DNAH10: variants seen among roughly 807,000 people sequenced by gnomAD.
DNAH10 encodes the protein axonemal beta dynein heavy chain 10.
DNAH10 carries 348 observed loss-of-function variants against 506.6 expected under a neutral mutation model. The ratio of observed to expected loss-of-function variants is 0.69; its 90% CI spans 0.63 to 0.75. The LOEUF (loss-of-function observed/expected upper bound fraction) is 0.75. Ranked by LOEUF, DNAH10 falls within the 30% of genes least tolerant of loss-of-function variation. DNAH10 has a pLI of 0.00. For missense variants in DNAH10, 5,179 were observed against 5,787.1 expected (o/e 0.89, Z 3.41); for synonymous variants, 2,059 against 2,198.6 (o/e 0.94, Z 1.78).
chr12:123,886,473 G>A (rs1029371613), intron 51 of DNAH10, among the ~76,000 whole-genome samples: 3 of 132,266 alleles, frequency 2.3e-5, no homozygotes, highest in African/African-American at 5.5e-5. Context: ...TGCGTTGCGC[G>A]CGCGCGCGTG....
At chr12:123,914,008 T>G (rs1384123638) in intron 60 of DNAH10, among the ~76,000 whole-genome samples, 2 of 152,182 alleles carry the variant, frequency 1.3e-5, no homozygotes, top group Non-Finnish European at 2.9e-5. Flanking sequence ...CCGGGCTGAT[T>G]TATATGTCTT....
Position 123,853,832 on chromosome 12 carries a change from A to G in DNAH10, c.6438+480A>G, listed in dbSNP as rs778869902. ...GTTGCACGCACACACGCACGCACAC[A>G]CACGCACACGCACGGACACACGCAC... On this transcript the variant is annotated intron_variant, in intron 36 of 78. Coordinates refer to ENST00000673944, the MANE Select transcript of DNAH10 (RefSeq NM_001372106.1). This position sits in a 1 kb window ranked among gnomAD's most constrained non-coding sequence, Gnocchi z 4.7. Among the ~76,000 whole-genome samples, 3 of 150,478 alleles carry G rather than the reference A, an allele frequency of 2.0e-5. No homozygotes were observed. The highest frequency in any genetic ancestry group is 1.3e-4 in the Admixed American group (2 of 14,978).
chr12:123,908,528 C>T, intron 57 of DNAH10: 1 of 456,138 alleles, frequency 2.2e-6, no homozygotes, highest in Non-Finnish European at 4.4e-6. Flanking sequence ...GTGGCTTTCA[C>T]TGACCTTGCC....
chr12:123,762,908 G>A lies in DNAH10; in HGVS notation c.214+358G>A, dbSNP rs1024028706. Among the ~76,000 whole-genome samples, 1 of 152,322 alleles carries A rather than the reference G, an allele frequency of 6.6e-6. No homozygotes were observed. Among genetic ancestry groups the A allele is most frequent in the African/African-American group, 2.4e-5 (1 of 41,578 alleles). On this transcript the variant is annotated intron_variant, in intron 1 of 78. Coordinates refer to ENST00000673944, the MANE Select transcript of DNAH10 (RefSeq NM_001372106.1). The surrounding 1 kb of genome is among the most constrained non-coding windows in gnomAD (Gnocchi z 5.0). ...TTACAGATGAGCAAACTGGCACGGA[G>A]GGGGTTAAGTAACCTGCCCAAGGCC...
chr12:123,847,837 C>T (rs563841026), intron 32 of DNAH10, 124 bp from the exon 33 acceptor site: 1 of 1,328,660 alleles, frequency 7.5e-7, no homozygotes, highest in South Asian at 1.5e-5. Context: ...CAAGTTGACA[C>T]ATGAAAGCAA....
At position 123,916,353 on chromosome 12, in the gene DNAH10, G is replaced by A; in HGVS notation, c.10723-104G>A. The A allele has an allele frequency of 6.9e-7, 1 of 1,453,304 alleles. No individual in the cohort carries two copies. Among genetic ancestry groups the A allele is most frequent in the Non-Finnish European group, 9.3e-7 (1 of 1,079,514 alleles). 90.0% of individuals were successfully genotyped at this position (1,453,304 alleles called of 1,614,324 possible). On this transcript the variant is annotated intron_variant, in intron 62 of 78. Coordinates refer to ENST00000673944, the MANE Select transcript of DNAH10 (RefSeq NM_001372106.1). This position sits in a 1 kb window ranked among gnomAD's most constrained non-coding sequence, Gnocchi z 4.6. The stretch of plus-strand genomic sequence containing the variant: ...TCTTTTCACCTCTGGCCCCCTCCAA[G>A]TTCCTGGCCCATCCACTTCCCACTT...
Position 123,846,006 on chromosome 12 carries a change from A to G in DNAH10, c.5666A>G (p.Gln1889Arg), listed in dbSNP as rs1244070822. 1.9e-6 allele frequency: 3 copies of G among 1,613,948 alleles called. No homozygotes were observed. Among genetic ancestry groups the G allele is most frequent in the East Asian group, 2.2e-5 (1 of 44,870 alleles). The change falls in exon 32 of 79, where the codon CAG becomes CGG. Residue 1889 changes from glutamine to arginine, a missense_variant. Physicochemically the swap from Gln to Arg is conservative, Grantham distance 43. This residue lies in a region of DNAH10 where 4,844 missense variants were observed against 5,430.5 expected (regional missense o/e 0.89). Coordinates refer to ENST00000673944, the MANE Select transcript of DNAH10 (RefSeq NM_001372106.1). This position sits in a 1 kb window ranked among gnomAD's most constrained non-coding sequence, Gnocchi z 4.5. ...LEAREFDWES[Q>R]LRFYWDREPD... is the part of the protein sequence containing the mutation. ...GCCCGAGAGTTTGACTGGGAAAGTC[A>G]GTTGCGGTTTTATTGGGACCGGGAG...
At chr12:123,918,555 C>T (rs960493879) in intron 64 of DNAH10, 121 bp from the exon 65 acceptor site, 2 of 1,269,212 alleles carry the variant, frequency 1.6e-6, no homozygotes, top group African/African-American at 3.0e-5. Context: ...CCCCTGCAGT[C>T]CCTGGATACT....
At position 123,762,351 on chromosome 12, in the gene DNAH10, G is replaced by C; in HGVS notation, c.15G>C (p.Arg5=). The change falls in exon 1 of 79, where the codon CGG becomes CGC. Residue 5 remains arginine, a synonymous_variant. Coordinates refer to ENST00000673944, the MANE Select transcript of DNAH10 (RefSeq NM_001372106.1). This position sits in a 1 kb window ranked among gnomAD's most constrained non-coding sequence, Gnocchi z 5.0. ...TGCGCGGCGCCATGGACGACCTGCG[G>C]GTGCTGTGGATGCGCGACCGCGTGT... MDDL[R]VLWMRDRVYA... 2 of 1,351,678 alleles carry C rather than the reference G, an allele frequency of 1.5e-6. No individual in the cohort carries two copies. Among genetic ancestry groups the C allele is most frequent in the Non-Finnish European group, 1.9e-6 (2 of 1,049,580 alleles). The allele number at this position is 1,351,678 out of a possible 1,614,324, so 83.7% of individuals were successfully genotyped here.
At chr12:123,828,676 C>T (rs984216851) in intron 25 of DNAH10, among the ~76,000 whole-genome samples, 8 of 152,172 alleles carry the variant, frequency 5.3e-5, no homozygotes, top group African/African-American at 1.9e-4. Context: ...GAGACTTCCT[C>T]CTCTCCTCCC....
chr12:123,935,535 G>C lies in DNAH10; in HGVS notation c.*54G>C. Reference sequence around the variant, plus strand: ...ATTCGGAGCCTGGGGTTGTCAGAGTGATCGGGTCTGCTGTCATTTCTTGGG... The same window carrying C: ...ATTCGGAGCCTGGGGTTGTCAGAGTCATCGGGTCTGCTGTCATTTCTTGGG... On this transcript the variant is annotated 3_prime_UTR_variant, in exon 79 of 79. Coordinates refer to ENST00000673944, the MANE Select transcript of DNAH10 (RefSeq NM_001372106.1). The C allele has an allele frequency of 6.5e-7, 1 of 1,541,540 alleles. No individual in the cohort carries two copies. The highest frequency in any genetic ancestry group is 2.3e-5 in the East Asian group (1 of 43,694).
intron 48 of DNAH10, 150 bp from the exon 49 acceptor site, chr12:123,879,114 T>C: frequency 1.6e-6 from 1 of 617,344 alleles, no homozygotes; most frequent in Non-Finnish European, 2.8e-6. Context: ...TCTGGTTAGA[T>C]TTCATTAACG....
chr12:123,835,564 G>C (rs778998545), intron 28 of DNAH10, 36 bp downstream of exon 28: 1 of 1,592,544 alleles, frequency 6.3e-7, no homozygotes, highest in South Asian at 1.1e-5. Context: ...AATGAAAGAA[G>C]GGCAGCGATT....
intron 30 of DNAH10, among the ~76,000 whole-genome samples, chr12:123,843,143 G>C (rs1358061868): frequency 6.6e-6 from 1 of 152,232 alleles, no homozygotes; most frequent in African/African-American, 2.4e-5. Flanking sequence ...AATGCAGCCT[G>C]ATGGACTGAA....
At position 123,903,995 on chromosome 12, in the gene DNAH10, G is replaced by A. The variant is rs556016297; in HGVS notation, c.9815+882G>A. On this transcript the variant is annotated intron_variant, in intron 57 of 78. Coordinates refer to ENST00000673944, the MANE Select transcript of DNAH10 (RefSeq NM_001372106.1). The surrounding 1 kb of genome is among the most constrained non-coding windows in gnomAD (Gnocchi z 4.6). ...TTCCATTCTGGGCTCCCGCTGGAGC[G>A]GTGCATGTTCCCTGTGCTTCCTATT... Among the ~76,000 whole-genome samples the A allele has an allele frequency of 1.6e-4, 24 of 152,364 alleles. No homozygotes were observed. Among genetic ancestry groups the A allele is most frequent in the African/African-American group, 5.5e-4 (23 of 41,586 alleles).
chr12:123,843,467 A>G (rs1950841377), intron 30 of DNAH10, among the ~76,000 whole-genome samples: 1 of 152,104 alleles, frequency 6.6e-6, no homozygotes, highest in South Asian at 2.1e-4. Context: ...CTCTCTCCTG[A>G]TGTGTAGGAA....
chr12:123,933,569 C>T, intron 77 of DNAH10, 58 bp downstream of exon 77: 7 of 1,519,100 alleles, frequency 4.6e-6, no homozygotes, highest in Non-Finnish European at 6.2e-6. Context: ...CTCCCTGAAC[C>T]ACCTCCAACT....
intron 21 of DNAH10, among the ~76,000 whole-genome samples, chr12:123,814,683 C>T (rs375492484): frequency 2.1e-5 from 3 of 144,568 alleles, no homozygotes; most frequent in South Asian, 2.2e-4. Context: ...GGCATGATCT[C>T]GGCTCACTGC....
In DNAH10 at chr12:123,933,120, TTTTA is replaced by T. The variant is rs1281962504; in HGVS notation, c.13297-203_13297-200del. Among the ~76,000 whole-genome samples the T allele has an allele frequency of 2.0e-5, 3 of 152,368 alleles. 1 individual carries two copies. The highest frequency in any genetic ancestry group is 4.1e-4 in the South Asian group (2 of 4,824). The stretch of plus-strand genomic sequence containing the variant: ...GAGATGTGGCCCAGTACTTTTGTGG[TTTTA>T]TTTATTTTTATATCTAAATCTTTGA... On this transcript the variant is annotated intron_variant, in intron 76 of 78. Coordinates refer to ENST00000673944, the MANE Select transcript of DNAH10 (RefSeq NM_001372106.1).
Sources: allele counts gnomAD v4.1 joint callset (sites outside exome capture counted in the v4.1 genomes callset), GRCh38; gene constraint gnomAD v4.1.1; regional missense constraint gnomAD v4.1.1; non-coding constraint Gnocchi (gnomAD v3.1); transcripts MANE v1.5; gene names NCBI Gene and HGNC (gene_info 2026-07-23, HGNC 2026-07-21).